KRABD5: variants seen among roughly 807,000 people sequenced by gnomAD.
The protein encoded by KRABD5 is KRAB domain-containing protein 5.
chr16:31,738,034 T>C, the KRABD5 span, among the ~76,000 whole-genome samples: 2 of 152,144 alleles, frequency 1.3e-5, no homozygotes, highest in Non-Finnish European at 2.9e-5. Flanking sequence ...TAATTTCTAG[T>C]TTTATTCTGT....
chr16:31,760,930 A>G, the KRABD5 span: 1 of 152,092 alleles, frequency 6.6e-6, no homozygotes, highest in Non-Finnish European at 1.5e-5. Flanking sequence ...TCCAAAGGAG[A>G]TTATTCCCAG....
At chr16:31,754,844 C>T in the KRABD5 span, 1 of 469,142 alleles carries the variant, frequency 2.1e-6, no homozygotes. Flanking sequence ...ACACCTTACT[C>T]AACATCAAAT....
the KRABD5 span, chr16:31,753,853 G>A: frequency 6.4e-7 from 1 of 1,551,316 alleles, no homozygotes; most frequent in Non-Finnish European, 8.7e-7. Context: ...GGATATGGGA[G>A]CTGTGGCCCT....
the KRABD5 span, among the ~76,000 whole-genome samples, chr16:31,745,539 A>G: frequency 6.6e-6 from 1 of 151,992 alleles, no homozygotes; most frequent in African/African-American, 2.4e-5. Flanking sequence ...TATACTTCCA[A>G]TTATGTGGTT....
the KRABD5 span, among the ~76,000 whole-genome samples, chr16:31,739,377 A>G: frequency 2.0e-5 from 3 of 152,062 alleles, no homozygotes; most frequent in Non-Finnish European, 4.4e-5. Flanking sequence ...TCATTCTTCA[A>G]CTTTCTGACC....
At chr16:31,735,945 G>A in the KRABD5 span, among the ~76,000 whole-genome samples, 1 of 152,094 alleles carries the variant, frequency 6.6e-6, no homozygotes, top group Non-Finnish European at 1.5e-5. Flanking sequence ...TTTTTGCTTA[G>A]GTTGCCTTTG....
the KRABD5 span, among the ~76,000 whole-genome samples, chr16:31,740,210 C>T: frequency 6.6e-6 from 1 of 152,180 alleles, no homozygotes; most frequent in Non-Finnish European, 1.5e-5. Flanking sequence ...CACGACCGAG[C>T]TGGTCTCAGC....
the KRABD5 span, among the ~76,000 whole-genome samples, chr16:31,737,650 C>T: frequency 2.6e-5 from 4 of 152,098 alleles, no homozygotes; most frequent in Non-Finnish European, 4.4e-5. Flanking sequence ...TTTCTGGACT[C>T]TCCAATCTGT....
chr16:31,755,490 C>T, the KRABD5 span: 2 of 462,040 alleles, frequency 4.3e-6, no homozygotes, highest in Admixed American at 4.7e-5. Context: ...TGTAGCAAAT[C>T]TTTCTCTCAT....
At chr16:31,733,700 G>A in the KRABD5 span, 7 of 447,264 alleles carry the variant, frequency 1.6e-5, no homozygotes, top group Non-Finnish European at 2.7e-5. Context: ...CTCAAGGTTT[G>A]TCCTTATTAA....
At chr16:31,718,630 G>A in the KRABD5 span, among the ~76,000 whole-genome samples, 1 of 152,190 alleles carries the variant, frequency 6.6e-6, no homozygotes, top group African/African-American at 2.4e-5. Flanking sequence ...TGTTACTGGA[G>A]TAGGGTAATC....
chr16:31,756,271 A>C, the KRABD5 span: 1 of 152,188 alleles, frequency 6.6e-6, no homozygotes, highest in African/African-American at 2.4e-5. Flanking sequence ...GAATCATTAA[A>C]CAGTAATATG....
chr16:31,719,162 T>C, the KRABD5 span, among the ~76,000 whole-genome samples: 1 of 152,344 alleles, frequency 6.6e-6, no homozygotes, highest in South Asian at 2.1e-4. Flanking sequence ...AATGGCCAAA[T>C]TCAGCATCAT....
At chr16:31,749,856 C>T in the KRABD5 span, among the ~76,000 whole-genome samples, 20 of 152,090 alleles carry the variant, frequency 1.3e-4, no homozygotes, top group African/African-American at 2.7e-4. Context: ...TGGGAGCCTC[C>T]GAACGCTACT....
the KRABD5 span, chr16:31,754,008 C>A: frequency 7.5e-7 from 1 of 1,327,338 alleles, no homozygotes; most frequent in Non-Finnish European, 1.1e-6. Context: ...TGAAAAAACT[C>A]AATTTATGTC....
chr16:31,755,266 C>G, the KRABD5 span: 3 of 494,526 alleles, frequency 6.1e-6, no homozygotes, highest in Non-Finnish European at 1.2e-5. Context: ...GTCTTATTGT[C>G]CACCAGAGAA....
chr16:31,718,589 C>T, the KRABD5 span, among the ~76,000 whole-genome samples: 92 of 152,250 alleles, frequency 6.0e-4, no homozygotes, highest in Middle Eastern at 3.4e-3. Flanking sequence ...TGTCCAGAGC[C>T]GTGAGTGAAG....
the KRABD5 span, among the ~76,000 whole-genome samples, chr16:31,734,752 CT>C: frequency 1.0e-3 from 147 of 142,172 alleles, no homozygotes; most frequent in Non-Finnish European, 9.5e-4. Context: ...TTTTCTTTTT[CT>C]TTTTTTTTTT....
At chr16:31,739,088 A>G in the KRABD5 span, among the ~76,000 whole-genome samples, 20,277 of 152,176 alleles carry the variant, frequency 0.13, 1,783 homozygotes, top group South Asian at 0.32. Flanking sequence ...TCTATGCACC[A>G]TCATTATAAT....
Sources: gnomAD v4.1 joint callset for allele counts (sites outside exome capture counted in the v4.1 genomes callset) on GRCh38, gnomAD v4.1.1 for gene constraint, MANE v1.5 for transcripts, NCBI Gene and HGNC (gene_info 2026-07-23, HGNC 2026-07-21) for gene names.